TLE4: variants seen among roughly 807,000 people sequenced by gnomAD.
TLE4 encodes the protein TLE family member 4, transcriptional corepressor.
A neutral mutation model predicts 92.8 loss-of-function variants in TLE4; 8 were observed. The ratio of observed to expected loss-of-function variants is 0.09; its 90% CI spans 0.05 to 0.16. The LOEUF is 0.16. Ranked by LOEUF, TLE4 falls within the 10% of genes least tolerant of loss-of-function variation. The probability of loss-of-function intolerance (pLI) is 1.00; values close to 1 mark genes in which losing one functional copy is unlikely to be tolerated. For synonymous variants in TLE4, 371 were observed against 374.1 expected (o/e 0.99, Z 0.10); for missense variants, 675 against 997.6 (o/e 0.68, Z 4.36).
intron 4 of TLE4, among the ~76,000 whole-genome samples, chr9:79,577,713 T>A (rs1383861993): frequency 6.6e-6 from 1 of 152,196 alleles, no homozygotes; most frequent in Non-Finnish European, 1.5e-5. Flanking sequence ...ATTAGTGTCT[T>A]TTTAAAGATT....
At chr9:79,684,085 A>G (rs2065278934) in intron 8 of TLE4, among the ~76,000 whole-genome samples, 1 of 152,214 alleles carries the variant, frequency 6.6e-6, no homozygotes, top group Non-Finnish European at 1.5e-5. Context: ...GAGAAGGAGT[A>G]TTTATTCCTA....
intron 6 of TLE4, among the ~76,000 whole-genome samples, chr9:79,644,378 A>G (rs2134001876): frequency 6.6e-6 from 1 of 152,330 alleles, no homozygotes; most frequent in East Asian, 1.9e-4. Context: ...CTATATTAGC[A>G]GCATGAGAAC....
At chr9:79,660,473 T>C (rs2060368815) in intron 8 of TLE4, among the ~76,000 whole-genome samples, 1 of 152,234 alleles carries the variant, frequency 6.6e-6, no homozygotes, top group Non-Finnish European at 1.5e-5. Flanking sequence ...CATTTAACGT[T>C]ATAACTCTTT....
intron 6 of TLE4, among the ~76,000 whole-genome samples, chr9:79,646,991 T>C (rs542189965): frequency 4.6e-5 from 7 of 152,286 alleles, no homozygotes; most frequent in Non-Finnish European, 8.8e-5. Context: ...TGTAGGTTGG[T>C]TGTTACCATT....
At chr9:79,696,495 ATT>A (rs1332877139) in intron 8 of TLE4, among the ~76,000 whole-genome samples, 1 of 152,096 alleles carries the variant, frequency 6.6e-6, no homozygotes, top group Admixed American at 6.5e-5. Context: ...AAATTGATAT[ATT>A]GTCATTTCTT....
chr9:79,628,319 T>C (rs1485246906), intron 6 of TLE4, among the ~76,000 whole-genome samples: 1 of 152,146 alleles, frequency 6.6e-6, no homozygotes, highest in Non-Finnish European at 1.5e-5. Flanking sequence ...AAGTCTTTTT[T>C]TTTTCTGTCA....
chr9:79,628,313 CTT>C (rs898255151), intron 6 of TLE4, among the ~76,000 whole-genome samples: 1 of 148,328 alleles, frequency 6.7e-6, no homozygotes, highest in Non-Finnish European at 1.5e-5. Flanking sequence ...ACACAAAAGT[CTT>C]TTTTTTTTCT....
chr9:79,602,674 C>G (rs2045920080), intron 4 of TLE4, among the ~76,000 whole-genome samples: 1 of 152,148 alleles, frequency 6.6e-6, no homozygotes, highest in Admixed American at 6.5e-5. Flanking sequence ...CACCCAAGAG[C>G]TCTGATGGAG....
At chr9:79,714,873 G>C (rs929330477) in intron 14 of TLE4, among the ~76,000 whole-genome samples, 1 of 152,188 alleles carries the variant, frequency 6.6e-6, no homozygotes, top group Non-Finnish European at 1.5e-5. Context: ...TCCTAGCAAT[G>C]TTGACTTCCC....
chr9:79,625,309 G>A (rs910879421), intron 5 of TLE4, among the ~76,000 whole-genome samples: 19 of 151,994 alleles, frequency 1.3e-4, no homozygotes, highest in African/African-American at 3.9e-4. Context: ...GTGAGCCACC[G>A]CGCCCGGCCT....
intron 4 of TLE4, among the ~76,000 whole-genome samples, chr9:79,598,079 A>G (rs2044508147): frequency 6.7e-6 from 1 of 148,670 alleles, no homozygotes; most frequent in Non-Finnish European, 1.5e-5. Flanking sequence ...GAAAAAGAAA[A>G]AAAAAAAAAA....
chr9:79,589,960 AC>A (rs1337158304), intron 4 of TLE4, among the ~76,000 whole-genome samples: 3 of 152,154 alleles, frequency 2.0e-5, no homozygotes, highest in Non-Finnish European at 4.4e-5. Context: ...TTTGTAAGTA[AC>A]CTGAGTCCAC....
chr9:79,715,952 A>G (rs1177962432), intron 14 of TLE4, among the ~76,000 whole-genome samples: 1 of 151,986 alleles, frequency 6.6e-6, no homozygotes, highest in African/African-American at 2.4e-5. Flanking sequence ...TCTATTTCCA[A>G]CTTACCACTA....
chr9:79,649,874 T>C (rs2058666678), intron 6 of TLE4: 1 of 1,359,168 alleles, frequency 7.4e-7, no homozygotes, highest in Non-Finnish European at 9.8e-7. Context: ...GGGCTTTGGC[T>C]GAGGGCTTTT....
intron 18 of TLE4, 91 bp from the exon 19 acceptor site, chr9:79,722,868 T>A (rs935349053): frequency 2.5e-6 from 3 of 1,219,648 alleles, no homozygotes; most frequent in Non-Finnish European, 3.5e-6. Context: ...TGGATGAGTT[T>A]TCTGTTAATA....
intron 4 of TLE4, among the ~76,000 whole-genome samples, chr9:79,602,532 T>C (rs1376462336): frequency 6.6e-6 from 1 of 152,224 alleles, no homozygotes; most frequent in African/African-American, 2.4e-5. Context: ...TAAATGGAAC[T>C]ACAAAGCCTG....
intron 8 of TLE4, among the ~76,000 whole-genome samples, chr9:79,701,941 G>A (rs1228059652): frequency 2.0e-5 from 3 of 152,168 alleles, no homozygotes; most frequent in African/African-American, 4.8e-5. Flanking sequence ...ACTCATTGGA[G>A]GAACAAAATG....
intron 8 of TLE4, among the ~76,000 whole-genome samples, chr9:79,687,155 C>A (rs2066040628): frequency 6.6e-6 from 1 of 152,190 alleles, no homozygotes; most frequent in Non-Finnish European, 1.5e-5. Flanking sequence ...AGCCTACATT[C>A]TTCTTCTCCC....
chr9:79,646,934 A>C (rs1385472320), intron 6 of TLE4, among the ~76,000 whole-genome samples: 2 of 152,116 alleles, frequency 1.3e-5, no homozygotes, highest in African/African-American at 4.8e-5. Flanking sequence ...GCTGCCTCTC[A>C]TTTATTCTTC....
Sources: gnomAD v4.1 joint callset for allele counts (sites outside exome capture counted in the v4.1 genomes callset) on GRCh38, gnomAD v4.1.1 for gene constraint, MANE v1.5 for transcripts, NCBI Gene and HGNC (gene_info 2026-07-23, HGNC 2026-07-21) for gene names.